GRIK2: variants seen among roughly 807,000 people sequenced by gnomAD.
The protein encoded by GRIK2 is glutamate receptor ionotropic, kainate 2.
In GRIK2, 32 loss-of-function variants were observed where a neutral mutation model predicts 100.3. That is an observed-to-expected ratio of 0.32 (90% confidence interval 0.24 to 0.43). The LOEUF (loss-of-function observed/expected upper bound fraction) is 0.43, where lower values mean the gene tolerates loss of function less well. Ranked by LOEUF, GRIK2 falls within the 20% of genes least tolerant of loss-of-function variation. GRIK2 has a pLI of 1.00. For missense variants in GRIK2, 843 were observed against 1,114.9 expected, an observed-to-expected ratio of 0.76 and a Z score of 3.47; for synonymous variants, 417 against 389.4, an observed-to-expected ratio of 1.07 and a Z score of -0.83.
At chr6:101,987,354 CAAA>C (rs1794072503) in intron 14 of GRIK2, among the ~76,000 whole-genome samples, 1 of 151,738 alleles carries the variant, frequency 6.6e-6, no homozygotes, top group Admixed American at 6.6e-5. Context: ...AAAACGAAAA[CAAA>C]GAAGTAGTAA....
chr6:101,812,738 G>A (rs761703672), intron 9 of GRIK2, among the ~76,000 whole-genome samples: 4 of 151,934 alleles, frequency 2.6e-5, no homozygotes, highest in Non-Finnish European at 5.9e-5. Context: ...GCTGTGTATG[G>A]AAGCGTAATA....
At chr6:102,067,619 A>T (rs942396705) in intron 16 of GRIK2, among the ~76,000 whole-genome samples, 1 of 151,816 alleles carries the variant, frequency 6.6e-6, no homozygotes, top group Non-Finnish European at 1.5e-5. Context: ...ATGAGATGGG[A>T]ACTAAGACAA....
intron 2 of GRIK2, among the ~76,000 whole-genome samples, chr6:101,557,205 T>C (rs1011094072): frequency 2.0e-5 from 3 of 152,204 alleles, no homozygotes; most frequent in Non-Finnish European, 2.9e-5. Context: ...CTTTCCAGAT[T>C]TCTACTGACT....
chr6:101,453,534 C>A (rs1562148690), intron 2 of GRIK2, among the ~76,000 whole-genome samples: 1 of 151,944 alleles, frequency 6.6e-6, no homozygotes, highest in East Asian at 1.9e-4. Context: ...TGTTACATGG[C>A]CAAAAAATGT....
intron 16 of GRIK2, among the ~76,000 whole-genome samples, chr6:102,063,153 A>G (rs914810468): frequency 6.6e-5 from 10 of 150,786 alleles, no homozygotes; most frequent in African/African-American, 2.4e-4. Context: ...GTACAATAGT[A>G]TCTTATAGAT....
At chr6:101,623,325 T>C (rs1780258881) in intron 3 of GRIK2, among the ~76,000 whole-genome samples, 1 of 152,040 alleles carries the variant, frequency 6.6e-6, no homozygotes, top group African/African-American at 2.4e-5. Context: ...CAAATAAGTT[T>C]CCACATTTCA....
At chr6:101,520,072 C>T (rs553364423) in intron 2 of GRIK2, among the ~76,000 whole-genome samples, 5 of 152,174 alleles carry the variant, frequency 3.3e-5, no homozygotes, top group African/African-American at 9.6e-5. Flanking sequence ...ACCCTAAGGG[C>T]ATTCCAAAAT....
At chr6:101,560,423 G>A (rs1776947084) in intron 2 of GRIK2, among the ~76,000 whole-genome samples, 2 of 151,898 alleles carry the variant, frequency 1.3e-5, no homozygotes, top group African/African-American at 4.8e-5. Context: ...AGTATATTCA[G>A]TCTTAAAAAA....
intron 7 of GRIK2, among the ~76,000 whole-genome samples, chr6:101,774,920 A>G (rs1165617733): frequency 6.6e-6 from 1 of 152,144 alleles, no homozygotes; most frequent in Non-Finnish European, 1.5e-5. Flanking sequence ...TATTCTTGGG[A>G]AAAAGGCAAA....
intron 10 of GRIK2, among the ~76,000 whole-genome samples, chr6:101,832,751 T>G (rs1782785678): frequency 6.6e-6 from 1 of 152,218 alleles, no homozygotes; most frequent in African/African-American, 2.4e-5. Context: ...ACCCACTCTT[T>G]CAATACAGGT....
chr6:101,825,625 T>C, intron 10 of GRIK2, among the ~76,000 whole-genome samples: 1 of 152,070 alleles, frequency 6.6e-6, no homozygotes, highest in South Asian at 2.1e-4. Flanking sequence ...TGCCTTTATG[T>C]TATTTTTTAT....
At chr6:101,606,097 C>G (rs992016143) in intron 2 of GRIK2, among the ~76,000 whole-genome samples, 5 of 151,838 alleles carry the variant, frequency 3.3e-5, no homozygotes, top group Admixed American at 1.3e-4. Context: ...CCAACTTTGC[C>G]CATATTACTG....
intron 10 of GRIK2, among the ~76,000 whole-genome samples, chr6:101,838,714 C>T (rs555394845): frequency 5.4e-5 from 8 of 149,148 alleles, no homozygotes; most frequent in Non-Finnish European, 1.0e-4. Context: ...TGCAATGGTG[C>T]GATCTCGGCT....
chr6:101,443,279 G>A (rs1770183942), intron 2 of GRIK2, among the ~76,000 whole-genome samples: 1 of 152,066 alleles, frequency 6.6e-6, no homozygotes, highest in Admixed American at 6.6e-5. Flanking sequence ...GAATCAAACA[G>A]CTTACTTGAA....
At chr6:101,771,924 C>T (rs988961396) in intron 7 of GRIK2, among the ~76,000 whole-genome samples, 6 of 151,872 alleles carry the variant, frequency 4.0e-5, no homozygotes, top group South Asian at 2.1e-4. Context: ...TTCTTAATCC[C>T]GTCTATCATT....
intron 7 of GRIK2, among the ~76,000 whole-genome samples, chr6:101,764,238 A>C (rs1172261816): frequency 6.6e-6 from 1 of 152,090 alleles, no homozygotes; most frequent in Non-Finnish European, 1.5e-5. Context: ...CAAATTTATA[A>C]CCCAGGTCCA....
At chr6:101,540,004 A>G (rs1025827627) in intron 2 of GRIK2, among the ~76,000 whole-genome samples, 1 of 151,778 alleles carries the variant, frequency 6.6e-6, no homozygotes, top group African/African-American at 2.4e-5. Flanking sequence ...TGGCCTTTGA[A>G]TTTGTTCCAC....
intron 14 of GRIK2, among the ~76,000 whole-genome samples, chr6:101,959,543 G>C (rs1024421304): frequency 6.6e-6 from 1 of 151,826 alleles, no homozygotes; most frequent in Non-Finnish European, 1.5e-5. Context: ...TTTTTATTTT[G>C]TTGATCCTTT....
In GRIK2 at chr6:101,622,090, A is replaced by G; in HGVS notation, c.257A>G (p.Tyr86Cys). The change falls in exon 3 of 17, where the codon TAT (tyrosine) becomes TGT (cysteine). Residue 86 changes from tyrosine (Y) to cysteine (C), a missense_variant. Tyr to Cys is a radical substitution (Grantham distance 194). This residue lies in a region of GRIK2 where 519 missense variants were observed against 643.8 expected (regional missense o/e 0.81). Transcript: ENST00000369134. ...LTYDTQKINL[Y>C]DSFEASKKAC... ...TATGATACCCAGAAGATAAACCTTT[A>G]TGATAGTTTTGAAGCATCCAAGAAA... 1.2e-6 allele frequency: 2 copies of G among 1,601,152 alleles called. No homozygotes were observed. The highest frequency in any genetic ancestry group is 2.2e-5 in the South Asian group (2 of 90,438).
Sources: gnomAD v4.1 joint callset for allele counts (sites outside exome capture counted in the v4.1 genomes callset) on GRCh38, gnomAD v4.1.1 for gene constraint, gnomAD v4.1.1 regional missense constraint, MANE v1.5 for transcripts, NCBI Gene and HGNC (gene_info 2026-07-23, HGNC 2026-07-21) for gene names.